Variants in DNAH3 observed in about 807,000 individuals in gnomAD.
DNAH3 encodes axonemal beta dynein heavy chain 3.
DNAH3 carries 332 observed loss-of-function variants against 432.5 expected under a neutral mutation model. The ratio of observed to expected loss-of-function variants is 0.77; its 90% CI spans 0.70 to 0.84. DNAH3 has a LOEUF of 0.84. DNAH3 is among the 40% of genes least tolerant of loss of function. The pLI, the probability that DNAH3 is intolerant of heterozygous loss-of-function variation, is 0.00. For synonymous variants in DNAH3, 1,956 were observed against 1,900.2 expected (o/e 1.03, Z -0.76); for missense variants, 4,861 against 5,114.0 (o/e 0.95, Z 1.51).
chr16:21,130,268 C>G (rs958512798), intron 7 of DNAH3, among the ~76,000 whole-genome samples: 2 of 149,504 alleles, frequency 1.3e-5, no homozygotes, highest in Non-Finnish European at 3.0e-5. Context: ...TAAGGAAGAG[C>G]GGAAACTAAT....
intron 19 of DNAH3, among the ~76,000 whole-genome samples, chr16:21,086,350 G>A (rs894540693): frequency 1.3e-5 from 2 of 152,202 alleles, no homozygotes; most frequent in Admixed American, 6.5e-5. Context: ...GGCTGAAAGA[G>A]GAGTGCAAAG....
intron 51 of DNAH3, among the ~76,000 whole-genome samples, chr16:20,973,279 G>T (rs1751804972): frequency 6.6e-6 from 1 of 151,560 alleles, no homozygotes; most frequent in Non-Finnish European, 1.5e-5. Flanking sequence ...TTGAGATAAG[G>T]TCTTGCTCTG....
intron 44 of DNAH3, among the ~76,000 whole-genome samples, chr16:20,989,920 G>A (rs1335332004): frequency 6.6e-6 from 1 of 152,228 alleles, no homozygotes; most frequent in Non-Finnish European, 1.5e-5. Context: ...CGGCAGGGCC[G>A]GCCGGCTGCT....
At chr16:21,069,500 G>A (rs1446301234) in exon 23 of DNAH3, 1 of 1,614,080 alleles carries the variant, frequency 6.2e-7, no homozygotes. Flanking sequence ...GATGTCCTCT[G>A]AACTGAAGAT....
intron 33 of DNAH3, 48 bp from the exon 34 acceptor site, chr16:21,038,028 C>T (rs1286500450): frequency 1.1e-5 from 17 of 1,546,172 alleles, no homozygotes; most frequent in Non-Finnish European, 1.4e-5. Context: ...GGACTACGTC[C>T]TGCCCAGCAG....
At chr16:20,977,805 A>C (rs2085665357) in intron 50 of DNAH3, among the ~76,000 whole-genome samples, 2 of 152,178 alleles carry the variant, frequency 1.3e-5, no homozygotes, top group Admixed American at 1.3e-4. Flanking sequence ...TGGTGCAATC[A>C]TTTTATTTTC....
chr16:21,047,520 G>A (rs1026860973), intron 31 of DNAH3, among the ~76,000 whole-genome samples: 2 of 151,880 alleles, frequency 1.3e-5, no homozygotes, highest in Non-Finnish European at 2.9e-5. Flanking sequence ...TTGGTTTTCA[G>A]CTCCATCAGC....
Position 21,136,533 on chromosome 16 carries a change from A to T in DNAH3, c.697-20T>A. The T allele has an allele frequency of 1.2e-6, 2 of 1,612,288 alleles. No homozygotes were observed. Among genetic ancestry groups the T allele is most frequent in the Non-Finnish European group, 1.7e-6 (2 of 1,178,344 alleles). On this transcript the variant is annotated intron_variant, in intron 5 of 61. Transcript: ENST00000261383. ...GTATCTCTTCCATAAACAAACCACC[A>T]GCGAGAAAATGGTCATGATTGGATC...
chr16:21,150,177 A>T, intron 1 of DNAH3, 113 bp downstream of exon 2: 1 of 398,658 alleles, frequency 2.5e-6, no homozygotes, highest in African/African-American at 2.1e-5. Flanking sequence ...GTGAGCCGAG[A>T]TCACACCATT....
exon 19 of DNAH3, chr16:21,086,957 G>A (rs745342560): frequency 1.2e-6 from 2 of 1,614,158 alleles, no homozygotes; most frequent in South Asian, 1.1e-5. Context: ...CTAAGCGCCT[G>A]GGTGCAGGCA....
At chr16:20,974,582 T>G (rs550380968) in intron 51 of DNAH3, among the ~76,000 whole-genome samples, 1 of 131,498 alleles carries the variant, frequency 7.6e-6, no homozygotes, top group South Asian at 3.0e-4. Context: ...TTATAGTGTT[T>G]TTTTTTTTTT....
At chr16:21,057,487 A>G (rs1013776960) in intron 27 of DNAH3, among the ~76,000 whole-genome samples, 7 of 152,208 alleles carry the variant, frequency 4.6e-5, no homozygotes, top group African/African-American at 1.4e-4. Flanking sequence ...GTTACAGACA[A>G]GGAGCTTGAG....
chr16:20,980,241 A>ATATAATATAAATCATATAT (rs2085811480), intron 49 of DNAH3, among the ~76,000 whole-genome samples: 2 of 97,818 alleles, frequency 2.0e-5, no homozygotes, highest in African/African-American at 3.2e-5. Context: ...TATATTATAT[A>ATATAATATAAATCATATAT]TATAATATAC....
intron 20 of DNAH3, among the ~76,000 whole-genome samples, chr16:21,076,359 A>G (rs2090975385): frequency 6.6e-6 from 1 of 152,180 alleles, no homozygotes; most frequent in Non-Finnish European, 1.5e-5. Flanking sequence ...AACCCTGCCT[A>G]CAACTTGGCC....
chr16:21,091,587 G>A (rs752555164), intron 18 of DNAH3, among the ~76,000 whole-genome samples: 3 of 152,172 alleles, frequency 2.0e-5, no homozygotes, highest in Non-Finnish European at 4.4e-5. Flanking sequence ...GGAGGCCAAG[G>A]CAGGTGGATC....
At chr16:20,945,772 G>A (rs2084018214) in intron 57 of DNAH3, among the ~76,000 whole-genome samples, 1 of 152,148 alleles carries the variant, frequency 6.6e-6, no homozygotes, top group Non-Finnish European at 1.5e-5. Flanking sequence ...TTACAGGCAT[G>A]AGCCACTGCG....
chr16:21,056,711 C>T (rs2090148938), intron 27 of DNAH3, among the ~76,000 whole-genome samples: 1 of 152,132 alleles, frequency 6.6e-6, no homozygotes, highest in South Asian at 2.1e-4. Context: ...GGAGACACAT[C>T]ACACAGCATG....
chr16:21,070,669 TAACGA>T, intron 22 of DNAH3, 36 bp downstream of exon 22: 1 of 1,334,512 alleles, frequency 7.5e-7, no homozygotes, highest in East Asian at 2.3e-5. Context: ...AACCCAGAGC[TAACGA>T]AACACCTCAA....
At chr16:21,134,090 G>T in intron 7 of DNAH3, 169 bp downstream of exon 8, 1 of 630,104 alleles carries the variant, frequency 1.6e-6, no homozygotes, top group Non-Finnish European at 2.6e-6. Flanking sequence ...ACGTAAGCCT[G>T]CAAGGAAAGG....
Sources: allele counts gnomAD v4.1 joint callset (sites outside exome capture counted in the v4.1 genomes callset), GRCh38; gene constraint gnomAD v4.1.1; transcripts MANE v1.5; gene names NCBI Gene and HGNC (gene_info 2026-07-23, HGNC 2026-07-21).